Variants in HDAC4 observed in about 807,000 individuals in gnomAD.
The protein encoded by HDAC4 is histone deacetylase A.
Under a neutral mutation model 135.1 loss-of-function variants are expected in HDAC4, and 16 were observed. The observed-to-expected ratio is 0.12, with a 90% CI of 0.08 to 0.18. The LOEUF is 0.18. Among genes scored for constraint, HDAC4 ranks in the 10% least tolerant of loss-of-function variants. HDAC4 has a pLI of 1.00. For missense variants in HDAC4, 1,143 were observed against 1,511.8 expected (o/e 0.76, Z 4.05); for synonymous variants, 685 against 653.4 (o/e 1.05, Z -0.74).
intron 3 of HDAC4, among the ~76,000 whole-genome samples, chr2:239,197,946 C>T (rs1221922020): frequency 3.3e-5 from 5 of 151,508 alleles, no homozygotes; most frequent in South Asian, 2.1e-4. Context: ...CTCCACCTCC[C>T]GGATTCAAAT....
At chr2:239,133,269 C>T (rs1460446264) in intron 11 of HDAC4, among the ~76,000 whole-genome samples, 1 of 152,188 alleles carries the variant, frequency 6.6e-6, no homozygotes, top group Non-Finnish European at 1.5e-5. Flanking sequence ...GCCCCTAGCC[C>T]CACGCATCCT....
At position 239,233,602 on chromosome 2, in the gene HDAC4, C is replaced by T. The variant is rs1044737093; in HGVS notation, c.94+2991G>A. ...AAAATCTCAAGATGGCACACGAATA[C>T]ATGGTATGAATAATGCTTTTCTGTT... is the stretch of plus-strand genomic sequence containing the variant. On this transcript the variant is annotated intron_variant, in intron 3 of 26. Transcript: ENST00000543185. Among the ~76,000 whole-genome samples the T allele has an allele frequency of 2.6e-5, 4 of 152,172 alleles. No individual in the cohort carries two copies. The East Asian group carries it at 7.7e-4, about 29-fold the overall frequency.
Position 239,400,150 on chromosome 2 carries a change from G to C in HDAC4, c.-220+828C>G, listed in dbSNP as rs1416668131. Among the ~76,000 whole-genome samples the C allele has an allele frequency of 1.3e-5, 2 of 151,340 alleles. No individual in the cohort carries two copies. The highest frequency in any genetic ancestry group is 1.9e-4 in the East Asian group (1 of 5,134). ...CCCGAGCGGGACCGGGCCCCGTCTC[G>C]GCCTGCTGGCGCCCTGCGGGCTGAG... On this transcript the variant is annotated intron_variant, in intron 1 of 26. Coordinates refer to ENST00000543185, the MANE Select transcript of HDAC4 (RefSeq NM_001378414.1). The surrounding 1 kb of genome is among the most constrained non-coding windows in gnomAD (Gnocchi z 4.7).
chr2:239,084,363 C>T (rs2035655188), intron 19 of HDAC4, 121 bp from the exon 20 acceptor site: 1 of 715,900 alleles, frequency 1.4e-6, no homozygotes, highest in Non-Finnish European at 2.5e-6. Context: ...GAGTGCAGAG[C>T]TCCTGAATAC....
At chr2:239,191,139 C>A in intron 3 of HDAC4, 2 of 390,530 alleles carry the variant, frequency 5.1e-6, no homozygotes, top group Non-Finnish European at 5.3e-6. Flanking sequence ...ATAACCAACA[C>A]TCATGTGACC....
chr2:239,290,329 C>T (rs534226417), intron 2 of HDAC4, among the ~76,000 whole-genome samples: 30 of 152,196 alleles, frequency 2.0e-4, no homozygotes, highest in Non-Finnish European at 3.4e-4. Flanking sequence ...CCAGAACCAA[C>T]GGCACGTGAC....
At chr2:239,294,283 G>A (rs962511750) in intron 2 of HDAC4, among the ~76,000 whole-genome samples, 2 of 103,020 alleles carry the variant, frequency 1.9e-5, no homozygotes, top group Non-Finnish European at 4.0e-5. Context: ...AACACTCAGG[G>A]AAGCTGTTCG....
At chr2:239,347,924 A>G in intron 2 of HDAC4, among the ~76,000 whole-genome samples, 1 of 151,622 alleles carries the variant, frequency 6.6e-6, no homozygotes, top group Non-Finnish European at 1.5e-5. Context: ...TCCTATCGAG[A>G]GCATCATCCC....
chr2:239,114,937 A>T, intron 13 of HDAC4, 116 bp downstream of exon 13: 1 of 1,251,478 alleles, frequency 8.0e-7, no homozygotes, highest in South Asian at 1.3e-5. Context: ...GAGACACTGG[A>T]CAGTGACCGC....
At chr2:239,187,751 C>T (rs944506137) in intron 4 of HDAC4, among the ~76,000 whole-genome samples, 2 of 152,188 alleles carry the variant, frequency 1.3e-5, no homozygotes, top group African/African-American at 2.4e-5. Flanking sequence ...GCTTGTGGAG[C>T]TCTCAACTGC....
intron 7 of HDAC4, among the ~76,000 whole-genome samples, chr2:239,145,271 C>T (rs1054001646): frequency 3.9e-5 from 6 of 152,176 alleles, no homozygotes; most frequent in African/African-American, 9.7e-5. Context: ...GCCTCCAGAG[C>T]GTGAGGCTGC....
intron 24 of HDAC4, among the ~76,000 whole-genome samples, chr2:239,056,736 C>T (rs2031911293): frequency 6.6e-6 from 1 of 152,196 alleles, no homozygotes; most frequent in Non-Finnish European, 1.5e-5. Context: ...CCAAATAATA[C>T]ATTTGGAAAG....
chr2:239,088,555 GC>G (rs1452769048), intron 18 of HDAC4, among the ~76,000 whole-genome samples: 22 of 152,230 alleles, frequency 1.4e-4, no homozygotes, highest in African/African-American at 4.6e-4. Context: ...TCTTTTCACT[GC>G]CCTGACACCT....
chr2:239,084,765 CCA>C (rs1042901799), intron 19 of HDAC4, among the ~76,000 whole-genome samples: 29 of 146,828 alleles, frequency 2.0e-4, no homozygotes, highest in South Asian at 4.4e-4. Context: ...GACACACACC[CCA>C]CACACACTCC....
At chr2:239,083,706 AC>A (rs1035434023) in intron 20 of HDAC4, among the ~76,000 whole-genome samples, 1 of 152,062 alleles carries the variant, frequency 6.6e-6, no homozygotes, top group African/African-American at 2.4e-5. Context: ...GGGCAGTGGC[AC>A]CCCCCATTCC....
intron 2 of HDAC4, among the ~76,000 whole-genome samples, chr2:239,263,833 C>T: frequency 6.6e-6 from 1 of 152,170 alleles, no homozygotes; most frequent in East Asian, 1.9e-4. Flanking sequence ...CTCGGCTGAG[C>T]CTCGCCTCCT....
chr2:239,214,331 CTT>C (rs1330179654), intron 3 of HDAC4, among the ~76,000 whole-genome samples: 1 of 152,208 alleles, frequency 6.6e-6, no homozygotes, highest in Non-Finnish European at 1.5e-5. Context: ...CTCCGATCCT[CTT>C]GATTTCTTCC....
intron 2 of HDAC4, among the ~76,000 whole-genome samples, chr2:239,348,431 C>T (rs900085505): frequency 2.0e-5 from 3 of 152,210 alleles, no homozygotes; most frequent in African/African-American, 7.2e-5. Flanking sequence ...GGCCAAGTAA[C>T]AACGTCTGCC....
At chr2:239,289,190 C>A (rs1409116894) in intron 2 of HDAC4, among the ~76,000 whole-genome samples, 1 of 152,174 alleles carries the variant, frequency 6.6e-6, no homozygotes, top group African/African-American at 2.4e-5. Context: ...TGAAACTGAT[C>A]CCCACCCTGC....
Sources: gnomAD v4.1 joint callset for allele counts (sites outside exome capture counted in the v4.1 genomes callset) on GRCh38, gnomAD v4.1.1 for gene constraint, Gnocchi (gnomAD v3.1) non-coding constraint, MANE v1.5 for transcripts, NCBI Gene and HGNC (gene_info 2026-07-23, HGNC 2026-07-21) for gene names.